Variants in SAMD7 observed in about 807,000 individuals in gnomAD.
The protein encoded by SAMD7 is sterile alpha motif domain-containing protein 7.
A neutral mutation model predicts 36.7 loss-of-function variants in SAMD7; 34 were observed. The observed-to-expected ratio is 0.93, with a 90% CI of 0.71 to 1.23. The LOEUF is 1.23. Ranked by LOEUF, SAMD7 falls within the 50% of genes most tolerant of loss-of-function variation. The pLI is 0.00. For missense variants in SAMD7, 570 were observed against 546.6 expected (o/e 1.04, Z -0.43); for synonymous variants, 188 against 189.7 (o/e 0.99, Z 0.07).
At chr3:169,917,698 G>A (rs1182504769) in intron 2 of SAMD7, among the ~76,000 whole-genome samples, 9 of 151,918 alleles carry the variant, frequency 5.9e-5, no homozygotes, top group South Asian at 4.1e-4. Flanking sequence ...CTGGAGTGCA[G>A]TTGCACAATC....
chr3:169,932,543 A>G, intron 7 of SAMD7: 1 of 541,800 alleles, frequency 1.8e-6, no homozygotes, highest in Admixed American at 2.1e-5. Flanking sequence ...CAAGCCTGTT[A>G]CCATGGAGCA....
chr3:169,932,769 G>A (rs779817246), intron 7 of SAMD7: 12 of 532,634 alleles, frequency 2.3e-5, no homozygotes, highest in East Asian at 9.1e-5. Flanking sequence ...TATGATGAGC[G>A]CTACTGTGAG....
At chr3:169,924,634 T>C (rs1713180048) in intron 4 of SAMD7, among the ~76,000 whole-genome samples, 1 of 152,068 alleles carries the variant, frequency 6.6e-6, no homozygotes, top group South Asian at 2.1e-4. Context: ...AAGTGATAAA[T>C]ATGTGAGGTG....
Position 169,938,746 on chromosome 3 carries a change from A to G in SAMD7, c.*240A>G. 2.8e-6 allele frequency: 1 copy of G among 361,918 alleles called. No individual in the cohort carries two copies. Among genetic ancestry groups the G allele is most frequent in the East Asian group, 4.1e-5 (1 of 24,160 alleles). The allele number at this position is 361,918 out of a possible 1,614,324, so 22.4% of individuals were successfully genotyped here. On this transcript the variant is annotated 3_prime_UTR_variant, in exon 9 of 9. Coordinates refer to ENST00000335556, the MANE Select transcript of SAMD7 (RefSeq NM_001304366.2). ...ATGCTAATGAAGGGGAGATTTACAA[A>G]CATCAAGAAAGCTGCAGATGGATGT...
chr3:169,930,513 CA>C (rs2108263846), intron 7 of SAMD7, among the ~76,000 whole-genome samples: 1 of 151,960 alleles, frequency 6.6e-6, no homozygotes, highest in African/African-American at 2.4e-5. Context: ...CCCACTCTCA[CA>C]AGGACGCTTG....
At chr3:169,932,157 G>A in intron 7 of SAMD7, 1 of 592,304 alleles carries the variant, frequency 1.7e-6, no homozygotes, top group Non-Finnish European at 3.1e-6. Flanking sequence ...GCTTGTGGAT[G>A]GAGCTGTCAC....
At chr3:169,922,985 C>G (rs566622626) in intron 4 of SAMD7, among the ~76,000 whole-genome samples, 1 of 152,156 alleles carries the variant, frequency 6.6e-6, no homozygotes, top group African/African-American at 2.4e-5. Context: ...TCAGTAGAGT[C>G]GTGTTGGTGA....
intron 1 of SAMD7, among the ~76,000 whole-genome samples, chr3:169,912,266 G>A (rs1712629119): frequency 1.3e-5 from 2 of 152,066 alleles, no homozygotes; most frequent in South Asian, 4.2e-4. Flanking sequence ...TTGTCATGAT[G>A]TATGAACCAT....
Position 169,926,635 on chromosome 3 carries a change from C to A in SAMD7, c.373C>A (p.Pro125Thr). The A allele has an allele frequency of 6.2e-7, 1 of 1,613,878 alleles. No homozygotes were observed. The highest frequency in any genetic ancestry group is 1.1e-5 in the South Asian group (1 of 91,072). ...CAAGGGACTAGCAGGCCTAGGGATACCCTTCCTCTATGGCTCCAGTGTCCC... is the reference window on the plus strand; with the variant it reads ...CAAGGGACTAGCAGGCCTAGGGATAACCTTCCTCTATGGCTCCAGTGTCCC... ...NPKGLAGLGI[P>T]FLYGSSVPAA... is the part of the protein sequence containing the mutation. The change falls in exon 6 of 9, where the codon CCC becomes ACC. Residue 125 changes from proline (P) to threonine (T), a missense_variant. By Grantham distance (38) the Pro-to-Thr change is conservative. Transcript: ENST00000335556.
chr3:169,919,785 A>T (rs1286547093), intron 3 of SAMD7, among the ~76,000 whole-genome samples: 2 of 152,122 alleles, frequency 1.3e-5, no homozygotes, highest in East Asian at 3.8e-4. Flanking sequence ...TGCTTGACCT[A>T]CTCACTCAGC....
intron 5 of SAMD7, 130 bp from the exon 6 acceptor site, chr3:169,926,423 G>A (rs1713257435): frequency 8.5e-6 from 10 of 1,179,156 alleles, no homozygotes; most frequent in Non-Finnish European, 1.2e-5. Flanking sequence ...CTTTGTGGGG[G>A]ATTCATGTTT....
In SAMD7 at chr3:169,933,276, A is replaced by G. The variant is rs1576838255; in HGVS notation, c.1042-3063A>G. ...AAGTGAAACTTCTTTTTACAAAGAT[A>G]GAGAAGCAGCACAATCAATTCCAAA... On this transcript the variant is annotated intron_variant, in intron 7 of 8. Coordinates refer to ENST00000335556, the MANE Select transcript of SAMD7 (RefSeq NM_001304366.2). 4 of 473,570 alleles carry G rather than the reference A, an allele frequency of 8.4e-6. No individual in the cohort carries two copies. The East Asian group carries it at 1.7e-4, about 21-fold the overall frequency. 29.3% of individuals were successfully genotyped at this position (473,570 alleles called of 1,614,324 possible).
In SAMD7 at chr3:169,919,491, A is replaced by G. The variant is rs1426115794; in HGVS notation, c.-8A>G. On this transcript the variant is annotated 5_prime_UTR_variant, in exon 3 of 9. Transcript: ENST00000335556. ...TAGTGGCGAGAGATATTGAAGACAA[A>G]CCCGGTGATGGCTGTGAACCCTTTA... 3 of 1,613,120 alleles carry G rather than the reference A, an allele frequency of 1.9e-6. No individual in the cohort carries two copies. The highest frequency in any genetic ancestry group is 3.3e-5 in the Admixed American group (2 of 59,992).
intron 4 of SAMD7, 129 bp from the exon 5 acceptor site, chr3:169,924,929 T>G: frequency 1.7e-6 from 1 of 605,560 alleles, no homozygotes. Context: ...ATTTCCAAAA[T>G]TGTGCGCAAT....
intron 6 of SAMD7, among the ~76,000 whole-genome samples, chr3:169,927,763 A>G (rs1713335914): frequency 6.6e-6 from 1 of 152,156 alleles, no homozygotes; most frequent in Non-Finnish European, 1.5e-5. Context: ...ACATAATAGA[A>G]TTTTAATTTA....
intron 7 of SAMD7, among the ~76,000 whole-genome samples, chr3:169,935,694 G>A (rs368957121): frequency 3.3e-5 from 5 of 152,198 alleles, no homozygotes; most frequent in East Asian, 1.9e-4. Context: ...ATGAAATTAC[G>A]GTCCTATCAA....
Position 169,933,934 on chromosome 3 carries a change from C to A in SAMD7, c.1042-2405C>A, listed in dbSNP as rs115041230. Among the ~76,000 whole-genome samples, 324 of 152,252 alleles carry A rather than the reference C, an allele frequency of 2.1e-3. 2 individuals carry two copies. Among genetic ancestry groups the A allele is most frequent in the African/African-American group, 7.4e-3 (308 of 41,546 alleles). On this transcript the variant is annotated intron_variant, in intron 7 of 8. Coordinates refer to ENST00000335556, the MANE Select transcript of SAMD7 (RefSeq NM_001304366.2). ...GGCCTCTAAAGTGAGACCTGAAAGT[C>A]AAGAGGAGAGGTGAGGCAGGAGGGA...
intron 7 of SAMD7, among the ~76,000 whole-genome samples, chr3:169,930,042 T>G (rs1458404233): frequency 6.6e-6 from 1 of 152,266 alleles, no homozygotes; most frequent in Non-Finnish European, 1.5e-5. Context: ...ATGTGATTGC[T>G]AAGATCTGGC....
At chr3:169,912,621 A>G (rs1712647863) in intron 1 of SAMD7, among the ~76,000 whole-genome samples, 1 of 152,220 alleles carries the variant, frequency 6.6e-6, no homozygotes, top group South Asian at 2.1e-4. Context: ...AATTGTGCCT[A>G]GAACCTGACA....
Sources: gnomAD v4.1 joint callset for allele counts (sites outside exome capture counted in the v4.1 genomes callset) on GRCh38, gnomAD v4.1.1 for gene constraint, MANE v1.5 for transcripts, NCBI Gene and HGNC (gene_info 2026-07-23, HGNC 2026-07-21) for gene names.